BBS9: variants seen among roughly 807,000 people sequenced by gnomAD.
The protein encoded by BBS9 is protein PTHB1.
A neutral mutation model predicts 117.7 loss-of-function variants in BBS9; 89 were observed. The ratio of observed to expected loss-of-function variants is 0.76; its 90% CI spans 0.64 to 0.90. The LOEUF is 0.90. BBS9 is among the 40% of genes least tolerant of loss of function. BBS9 has a pLI of 0.00. For synonymous variants in BBS9, 379 were observed against 370.9 expected (o/e 1.02, Z -0.25); for missense variants, 982 against 1,042.2 (o/e 0.94, Z 0.80).
At chr7:33,580,798 C>T (rs1317142737) in intron 21 of BBS9, among the ~76,000 whole-genome samples, 2 of 152,122 alleles carry the variant, frequency 1.3e-5, no homozygotes, top group South Asian at 2.1e-4. Context: ...AGCCAGGATG[C>T]TAAGACAGTT....
chr7:33,176,363 GC>G (rs1422564210), intron 4 of BBS9, among the ~76,000 whole-genome samples: 1 of 152,174 alleles, frequency 6.6e-6, no homozygotes, highest in East Asian at 1.9e-4. Flanking sequence ...GGACAACTGG[GC>G]AGCAGGATAC....
At chr7:33,466,921 G>A (rs1297935535) in intron 19 of BBS9, among the ~76,000 whole-genome samples, 1 of 152,030 alleles carries the variant, frequency 6.6e-6, no homozygotes, top group African/African-American at 2.4e-5. Flanking sequence ...GAGGTCAAGG[G>A]TGAGCCGGTT....
chr7:33,369,007 T>C (rs1026712617), intron 17 of BBS9, among the ~76,000 whole-genome samples: 27 of 152,146 alleles, frequency 1.8e-4, no homozygotes, highest in African/African-American at 5.5e-4. Flanking sequence ...ATTCTTTACA[T>C]TGGCATCATT....
In BBS9 at chr7:33,340,948, T is replaced by A; in HGVS notation, c.1250T>A (p.Val417Asp). The A allele has an allele frequency of 6.2e-7, 1 of 1,613,700 alleles. No homozygotes were observed. Among genetic ancestry groups the A allele is most frequent in the South Asian group, 1.1e-5 (1 of 91,066 alleles). Residue 417 changes from valine (V) to aspartate (D), a missense_variant, in exon 11 of 23, where the codon GTT becomes GAT. Coordinates refer to ENST00000242067, the MANE Select transcript of BBS9 (RefSeq NM_198428.3). ...GATGACTTGAACGTTTCTGTCGTGG[T>A]TTCTCCTAACTTTGATTCAGTTTCT... ...REDDLNVSVV[V>D]SPNFDSVSQA...
chr7:33,137,303 G>A (rs1790656118), intron 1 of BBS9, among the ~76,000 whole-genome samples: 1 of 152,094 alleles, frequency 6.6e-6, no homozygotes, highest in Admixed American at 6.5e-5. Flanking sequence ...CTTCCAAACT[G>A]CAGGGGCAGG....
rs1005516031 is a variant in BBS9 at position 33,155,827 on chromosome 7, T to A, written c.328+125T>A. ...AAACATTTAGTTGAATGTTTTCTTG[T>A]CTTGGTTAACATTTTCCCATTTTTC... On this transcript the variant is annotated intron_variant, in intron 4 of 22. Coordinates refer to ENST00000242067, the MANE Select transcript of BBS9 (RefSeq NM_198428.3). 8.5e-6 allele frequency: 5 copies of A among 589,072 alleles called. 1 individual carries two copies. Among genetic ancestry groups the A allele is most frequent in the Admixed American group, 2.8e-5 (1 of 35,622 alleles). 36.5% of individuals were successfully genotyped at this position (589,072 alleles called of 1,614,324 possible). A position where few individuals can be genotyped will look rare whatever the true frequency, so the allele number is the denominator to read the frequency against.
chr7:33,234,036 A>T (rs931210634), intron 5 of BBS9, among the ~76,000 whole-genome samples: 1 of 152,084 alleles, frequency 6.6e-6, no homozygotes, highest in African/African-American at 2.4e-5. Context: ...TGTCCCACAT[A>T]TCCACCCTGT....
intron 19 of BBS9, among the ~76,000 whole-genome samples, chr7:33,476,120 A>G (rs942445305): frequency 6.6e-6 from 1 of 152,230 alleles, no homozygotes; most frequent in Admixed American, 6.5e-5. Flanking sequence ...AATTTATAAC[A>G]TTTTGTAAAA....
intron 6 of BBS9, among the ~76,000 whole-genome samples, chr7:33,263,893 G>C (rs1798367131): frequency 6.6e-6 from 1 of 151,970 alleles, no homozygotes; most frequent in Admixed American, 6.5e-5. Flanking sequence ...AGTTCTTTTT[G>C]GTTCCATAGA....
At chr7:33,611,399 G>T (rs1864847437) in intron 21 of BBS9, among the ~76,000 whole-genome samples, 1 of 146,790 alleles carries the variant, frequency 6.8e-6, no homozygotes, top group Non-Finnish European at 1.5e-5. Flanking sequence ...GTGAAATTTA[G>T]GTCTGTAATA....
At chr7:33,472,921 A>G (rs559980204) in intron 19 of BBS9, among the ~76,000 whole-genome samples, 1 of 152,318 alleles carries the variant, frequency 6.6e-6, no homozygotes, top group Admixed American at 6.5e-5. Flanking sequence ...ATGTAATAAA[A>G]TGATTCATCC....
intron 5 of BBS9, among the ~76,000 whole-genome samples, chr7:33,213,039 C>T (rs1788330179): frequency 6.6e-6 from 1 of 152,180 alleles, no homozygotes; most frequent in Admixed American, 6.5e-5. Context: ...TCACTCAAGG[C>T]CCTAGAGTTC....
chr7:33,360,224 T>G (rs1444096684), intron 16 of BBS9, among the ~76,000 whole-genome samples: 1 of 152,062 alleles, frequency 6.6e-6, no homozygotes, highest in Non-Finnish European at 1.5e-5. Flanking sequence ...TTCTTCAAAT[T>G]TATTATAGTT....
intron 5 of BBS9, among the ~76,000 whole-genome samples, chr7:33,228,120 C>T (rs1161037720): frequency 2.6e-5 from 4 of 151,968 alleles, no homozygotes; most frequent in Non-Finnish European, 4.4e-5. Context: ...TCTTTTTCAC[C>T]ACATCCATGC....
intron 19 of BBS9, among the ~76,000 whole-genome samples, chr7:33,428,508 A>G (rs577301856): frequency 6.6e-6 from 1 of 152,280 alleles, no homozygotes; most frequent in South Asian, 2.1e-4. Flanking sequence ...CATTTTAAAA[A>G]GCAAAACAGG....
intron 5 of BBS9, among the ~76,000 whole-genome samples, chr7:33,231,178 CT>C (rs548044783): frequency 1.3e-5 from 2 of 150,834 alleles, no homozygotes; most frequent in African/African-American, 2.4e-5. Flanking sequence ...TTCTGTCACC[CT>C]TTTTTTTTGA....
intron 13 of BBS9, chr7:33,349,463 C>A: frequency 2.5e-6 from 1 of 405,598 alleles, no homozygotes; most frequent in Non-Finnish European, 4.8e-6. Context: ...GACAGGGTCT[C>A]ATTCTCATTG....
At chr7:33,562,588 G>A (rs1415536188) in intron 21 of BBS9, among the ~76,000 whole-genome samples, 1 of 152,134 alleles carries the variant, frequency 6.6e-6, no homozygotes, top group Non-Finnish European at 1.5e-5. Flanking sequence ...TGTGAAAGCT[G>A]AAAAAGCCAA....
At chr7:33,553,815 A>G (rs1451103503) in intron 21 of BBS9, among the ~76,000 whole-genome samples, 1 of 152,194 alleles carries the variant, frequency 6.6e-6, no homozygotes, top group Non-Finnish European at 1.5e-5. Context: ...GCATTGGGGT[A>G]TGATGACTAA....
Sources: gnomAD v4.1 joint callset for allele counts (sites outside exome capture counted in the v4.1 genomes callset) on GRCh38, gnomAD v4.1.1 for gene constraint, MANE v1.5 for transcripts, NCBI Gene and HGNC (gene_info 2026-07-23, HGNC 2026-07-21) for gene names.